MAP2K3: variants seen among roughly 807,000 people sequenced by gnomAD.
MAP2K3 encodes dual specificity mitogen-activated protein kinase kinase 3.
In MAP2K3, 30 loss-of-function variants were observed where a neutral mutation model predicts 46.4. The ratio of observed to expected loss-of-function variants is 0.65; its 90% confidence interval spans 0.48 to 0.88. The LOEUF is 0.88. MAP2K3 is among the 40% of genes least tolerant of loss of function. The pLI is 0.00. For missense variants in MAP2K3, 380 were observed against 464.5 expected (o/e 0.82, Z 1.67); for synonymous variants, 189 against 176.3 (o/e 1.07, Z -0.57).
intron 1 of MAP2K3, among the ~76,000 whole-genome samples, chr17:21,293,555 T>C (rs1976066763): frequency 6.6e-6 from 1 of 152,310 alleles, no homozygotes; most frequent in African/African-American, 2.4e-5. Flanking sequence ...GAGGGGGCGC[T>C]GCCAGGTGGA....
At chr17:21,296,186 C>T (rs751654599) in intron 1 of MAP2K3, 19 of 1,289,458 alleles carry the variant, frequency 1.5e-5, no homozygotes, top group East Asian at 1.1e-4. Context: ...GATCTTGCTT[C>T]GTCCTGCAGC....
chr17:21,300,826 T>C (rs750845277), intron 4 of MAP2K3, 48 bp from the exon 5 acceptor site: 1 of 1,613,502 alleles, frequency 6.2e-7, no homozygotes, highest in South Asian at 1.1e-5. Context: ...TGAGTGTGGG[T>C]GTTGGCCTCT....
intron 2 of MAP2K3, 87 bp from the exon 3 acceptor site, chr17:21,298,791 G>C (rs571566465): frequency 3.7e-4 from 592 of 1,599,918 alleles, no homozygotes; most frequent in Middle Eastern, 6.6e-4. Flanking sequence ...TCGTCCCCAC[G>C]CCAGGCCCCA....
chr17:21,292,229 G>T (rs1004153261), intron 1 of MAP2K3, among the ~76,000 whole-genome samples: 5 of 152,428 alleles, frequency 3.3e-5, no homozygotes, highest in South Asian at 2.1e-4. Context: ...GCTGGGGCTG[G>T]CTTCAAGCAG....
At chr17:21,293,667 C>G (rs546799795) in intron 1 of MAP2K3, among the ~76,000 whole-genome samples, 1 of 152,424 alleles carries the variant, frequency 6.6e-6, no homozygotes, top group South Asian at 2.1e-4. Flanking sequence ...GCCAGGTGGC[C>G]TTGCACAGCC....
intron 9 of MAP2K3, among the ~76,000 whole-genome samples, chr17:21,309,411 C>G (rs1207316724): frequency 2.6e-5 from 4 of 152,052 alleles, no homozygotes; most frequent in Non-Finnish European, 5.9e-5. Flanking sequence ...GTTTTTCTTT[C>G]ACAAGTTACA....
In MAP2K3 at chr17:21,298,907, T is replaced by G. The variant is rs745994827; in HGVS notation, c.146T>G (p.Phe49Cys). The G allele has an allele frequency of 6.2e-7, 1 of 1,614,308 alleles. No individual in the cohort carries two copies. Among genetic ancestry groups the G allele is most frequent in the South Asian group, 1.1e-5 (1 of 91,092 alleles). The change falls in exon 3 of 12, where the codon TTC becomes TGC. Residue 49 changes from phenylalanine (F) to cysteine (C), a missense_variant. Physicochemically the swap from Phe to Cys is radical, Grantham distance 205 (BLOSUM62 -2). This residue lies in a region of MAP2K3 where 294 missense variants were observed against 275.4 expected (regional missense o/e 1.07). Transcript: ENST00000342679. ...CCCCGGAACCTGGACTCCCGGACCT[T>G]CATCACCATTGGAGACAGAGTAGGT... ...TPPRNLDSRT[F>C]ITIGDRNFEV...
chr17:21,295,532 T>C, intron 1 of MAP2K3: 1 of 1,206,824 alleles, frequency 8.3e-7, no homozygotes, highest in Non-Finnish European at 1.1e-6. Context: ...CCTGGCCATC[T>C]GGGCCCAGCT....
At chr17:21,299,332 A>G (rs1976456483) in intron 3 of MAP2K3, among the ~76,000 whole-genome samples, 1 of 152,308 alleles carries the variant, frequency 6.6e-6, no homozygotes, top group Non-Finnish European at 1.5e-5. Flanking sequence ...GAAGGGCACT[A>G]GCCATTCAGA....
At chr17:21,294,771 C>A (rs575439523) in intron 1 of MAP2K3, among the ~76,000 whole-genome samples, 1 of 152,310 alleles carries the variant, frequency 6.6e-6, no homozygotes, top group South Asian at 2.1e-4. Flanking sequence ...AATCTCCACG[C>A]GCCAGGCACT....
chr17:21,288,736 T>C (rs1279492233), intron 1 of MAP2K3, among the ~76,000 whole-genome samples: 1 of 152,242 alleles, frequency 6.6e-6, no homozygotes, highest in African/African-American at 2.4e-5. Flanking sequence ...GACAGTTCCA[T>C]TCCACACTTG....
At chr17:21,297,357 G>A (rs866217354) in intron 1 of MAP2K3, among the ~76,000 whole-genome samples, 4 of 152,288 alleles carry the variant, frequency 2.6e-5, no homozygotes, top group South Asian at 2.1e-4. Flanking sequence ...AGGGAGTGGC[G>A]GGTGGTGGGT....
intron 1 of MAP2K3, chr17:21,295,800 G>T (rs752811425): frequency 7.8e-7 from 1 of 1,283,770 alleles, no homozygotes; most frequent in East Asian, 5.6e-5. Context: ...TGAAGGGGGG[G>T]CCACATGATA....
chr17:21,301,260 A>G (rs1976584533), intron 5 of MAP2K3, among the ~76,000 whole-genome samples: 1 of 152,286 alleles, frequency 6.6e-6, no homozygotes, highest in Non-Finnish European at 1.5e-5. Flanking sequence ...AGCTGCACTC[A>G]GTTCTGTCTG....
intron 9 of MAP2K3, among the ~76,000 whole-genome samples, chr17:21,307,537 G>T (rs1209658064): frequency 6.6e-6 from 1 of 151,798 alleles, no homozygotes; most frequent in African/African-American, 2.4e-5. Flanking sequence ...TGGGTGGCTG[G>T]GTCAGAGGAG....
chr17:21,314,504 G>C lies in MAP2K3; in HGVS notation c.*274G>C. On this transcript the variant is annotated 3_prime_UTR_variant, in exon 12 of 12. Coordinates refer to ENST00000342679, the MANE Select transcript of MAP2K3 (RefSeq NM_145109.3). The stretch of plus-strand genomic sequence containing the variant: ...TCTCCAGCTGCTGAGATCCTGGACT[G>C]AGGGGGCCTGGATGCCCCCTGTGGA... 2.1e-6 allele frequency: 1 copy of C among 481,764 alleles called. No individual in the cohort carries two copies. Among genetic ancestry groups the C allele is most frequent in the Middle Eastern group, 5.8e-4 (1 of 1,732 alleles). The allele number at this position is 481,764 out of a possible 1,614,324, so 29.8% of individuals were successfully genotyped here.
At chr17:21,313,054 G>C (rs960234288) in intron 10 of MAP2K3, among the ~76,000 whole-genome samples, 1 of 152,280 alleles carries the variant, frequency 6.6e-6, no homozygotes, top group Admixed American at 6.5e-5. Context: ...CATGGTCCCC[G>C]CACTTTTATT....
intron 1 of MAP2K3, chr17:21,291,378 CGTAGTGAT>C: frequency 4.7e-4 from 19 of 40,334 alleles, no homozygotes; most frequent in South Asian, 7.4e-4. Flanking sequence ...CAACACAACA[CGTAGTGAT>C]AACAGTGAAG....
chr17:21,304,243 A>G (rs1048220209), intron 7 of MAP2K3, among the ~76,000 whole-genome samples, 183 bp from the exon 8 acceptor site: 2 of 152,310 alleles, frequency 1.3e-5, no homozygotes, highest in Admixed American at 1.3e-4. Flanking sequence ...CTGGCCCGGC[A>G]CCTCTTGCAG....
Sources: gnomAD v4.1 joint callset for allele counts (sites outside exome capture counted in the v4.1 genomes callset) on GRCh38, gnomAD v4.1.1 for gene constraint, gnomAD v4.1.1 regional missense constraint, MANE v1.5 for transcripts, NCBI Gene and HGNC (gene_info 2026-07-23, HGNC 2026-07-21) for gene names.